The following MGAT4C variants were observed in gnomAD, a reference collection of about 807,000 sequenced individuals.
MGAT4C encodes alpha-1,3-mannosyl-glycoprotein 4-beta-N-acetylglucosaminyltransferase C.
Under a neutral mutation model 40.1 loss-of-function variants are expected in MGAT4C, and 19 were observed. That is an observed-to-expected ratio of 0.47 (90% CI 0.33 to 0.70). MGAT4C has a LOEUF of 0.70. Among genes scored for constraint, MGAT4C ranks in the 30% least tolerant of loss-of-function variants. The pLI is 0.02. For synonymous variants in MGAT4C, 181 were observed against 187.1 expected, an observed-to-expected ratio of 0.97 and a Z score of 0.27; for missense variants, 491 against 563.2, an observed-to-expected ratio of 0.87 and a Z score of 1.30.
intron 2 of MGAT4C, among the ~76,000 whole-genome samples, chr12:86,031,176 G>A (rs993539719): frequency 6.6e-6 from 1 of 151,696 alleles, no homozygotes; most frequent in East Asian, 1.9e-4. Context: ...TGAAATACAT[G>A]CATCTTAAGC....
chr12:86,340,214 T>C (rs936531166), intron 3 of MGAT4C, among the ~76,000 whole-genome samples: 2 of 152,164 alleles, frequency 1.3e-5, no homozygotes, highest in Non-Finnish European at 2.9e-5. Context: ...TAACATAATT[T>C]ATATCTTCAA....
chr12:85,995,992 G>T (rs2136750248), intron 2 of MGAT4C, among the ~76,000 whole-genome samples: 1 of 152,272 alleles, frequency 6.6e-6, no homozygotes, highest in Admixed American at 6.5e-5. Context: ...AAATTATTTT[G>T]CATAACTTAA....
intron 2 of MGAT4C, among the ~76,000 whole-genome samples, chr12:86,512,301 C>G (rs1055208515): frequency 2.0e-5 from 3 of 152,212 alleles, no homozygotes; most frequent in African/African-American, 7.2e-5. Flanking sequence ...GCATTGTACA[C>G]TATTGTTGGG....
At chr12:86,343,586 A>G (rs1954947310) in intron 3 of MGAT4C, among the ~76,000 whole-genome samples, 1 of 152,216 alleles carries the variant, frequency 6.6e-6, no homozygotes, top group African/African-American at 2.4e-5. Flanking sequence ...TTTATGGTTC[A>G]AAACATTAAA....
At chr12:86,239,386 T>C (rs1566200672) in intron 1 of MGAT4C, among the ~76,000 whole-genome samples, 1 of 152,014 alleles carries the variant, frequency 6.6e-6, no homozygotes, top group Non-Finnish European at 1.5e-5. Context: ...AGCCTTAAAT[T>C]AATTTAAGAA....
At position 86,340,306 on chromosome 12, in the gene MGAT4C, C is replaced by T. The variant is rs1040391158; in HGVS notation, c.-119-6179G>A. Among the ~76,000 whole-genome samples the T allele has an allele frequency of 2.0e-5, 3 of 151,740 alleles. No individual in the cohort carries two copies. In the East Asian group the frequency reaches 6.0e-4, roughly 30 times the overall value. The stretch of plus-strand genomic sequence containing the variant: ...GGGAAGTCAAGGCTTGATTAAATAC[C>T]AAGAGAAAAATAAAATAACCAGGGA... On this transcript the variant is annotated intron_variant, in intron 3 of 7. Transcript: ENST00000548651.
chr12:86,657,793 C>A (rs1963886483), intron 2 of MGAT4C, among the ~76,000 whole-genome samples: 1 of 151,802 alleles, frequency 6.6e-6, no homozygotes. Flanking sequence ...ACCAGCAAAG[C>A]AAATTAAAAT....
At chr12:86,291,223 C>T (rs980674022) in intron 4 of MGAT4C, among the ~76,000 whole-genome samples, 1 of 152,128 alleles carries the variant, frequency 6.6e-6, no homozygotes, top group African/African-American at 2.4e-5. Flanking sequence ...AATAGTTTGC[C>T]AAGTTCTTAA....
At chr12:86,711,825 A>T (rs967937689) in intron 2 of MGAT4C, among the ~76,000 whole-genome samples, 1 of 152,152 alleles carries the variant, frequency 6.6e-6, no homozygotes, top group Non-Finnish European at 1.5e-5. Context: ...TGCAAAATGA[A>T]AATGTGAAAC....
intron 1 of MGAT4C, among the ~76,000 whole-genome samples, chr12:86,164,398 T>G (rs767991553): frequency 7.9e-5 from 12 of 152,196 alleles, no homozygotes; most frequent in South Asian, 4.1e-4. Flanking sequence ...ATCATACATA[T>G]TTAATCAATA....
intron 2 of MGAT4C, among the ~76,000 whole-genome samples, chr12:86,710,501 A>G (rs969867824): frequency 2.0e-5 from 3 of 152,192 alleles, no homozygotes; most frequent in Non-Finnish European, 2.9e-5. Flanking sequence ...AATTATGGCC[A>G]TTCTTCAAGA....
chr12:86,614,377 C>T (rs1048446101), intron 2 of MGAT4C, among the ~76,000 whole-genome samples: 27 of 152,084 alleles, frequency 1.8e-4, no homozygotes, highest in African/African-American at 5.1e-4. Context: ...AAACTGTGTC[C>T]TCTGACGATG....
At chr12:86,781,143 A>T (rs1192255704) in intron 1 of MGAT4C, among the ~76,000 whole-genome samples, 1 of 152,084 alleles carries the variant, frequency 6.6e-6, no homozygotes, top group Non-Finnish European at 1.5e-5. Context: ...TTTTTTATAT[A>T]TAATAATTGA....
intron 2 of MGAT4C, among the ~76,000 whole-genome samples, chr12:86,466,144 G>A (rs1412488819): frequency 6.6e-6 from 1 of 152,028 alleles, no homozygotes; most frequent in Non-Finnish European, 1.5e-5. Flanking sequence ...AGGAGGTGGA[G>A]GTTGCAGTGA....
intron 3 of MGAT4C, among the ~76,000 whole-genome samples, chr12:86,362,892 A>C (rs1460907409): frequency 1.4e-5 from 2 of 148,048 alleles, no homozygotes; most frequent in Non-Finnish European, 3.0e-5. Context: ...AAAGCATATG[A>C]GGGTGTATAT....
At chr12:86,709,466 A>G (rs144919173) in intron 2 of MGAT4C, among the ~76,000 whole-genome samples, 6 of 152,322 alleles carry the variant, frequency 3.9e-5, no homozygotes, top group African/African-American at 1.4e-4. Flanking sequence ...TTTTGTACTT[A>G]GACTCAAAGT....
intron 4 of MGAT4C, among the ~76,000 whole-genome samples, chr12:86,332,914 C>T (rs556663504): frequency 6.6e-6 from 1 of 152,038 alleles, no homozygotes; most frequent in Non-Finnish European, 1.5e-5. Context: ...TTTTGTGAAT[C>T]CTTTTGCTGT....
At chr12:86,593,637 C>T (rs1296190778) in intron 2 of MGAT4C, among the ~76,000 whole-genome samples, 1 of 152,122 alleles carries the variant, frequency 6.6e-6, no homozygotes, top group Admixed American at 6.5e-5. Flanking sequence ...TCATTCCTTA[C>T]TTAGCATGAT....
chr12:86,766,079 G>A (rs935716630), intron 1 of MGAT4C, among the ~76,000 whole-genome samples: 45 of 152,180 alleles, frequency 3.0e-4, no homozygotes, highest in Admixed American at 4.6e-4. Flanking sequence ...TGGCAAATTG[G>A]ATAAAGAGTC....
Sources: allele counts gnomAD v4.1 joint callset (sites outside exome capture counted in the v4.1 genomes callset), GRCh38; gene constraint gnomAD v4.1.1; transcripts MANE v1.5; gene names NCBI Gene and HGNC (gene_info 2026-07-23, HGNC 2026-07-21).